SGCD: variants seen among roughly 807,000 people sequenced by gnomAD.
SGCD encodes sarcoglycan delta.
SGCD carries 18 observed loss-of-function variants against 36.6 expected under a neutral mutation model. The ratio of observed to expected loss-of-function variants is 0.49; its 90% CI spans 0.34 to 0.73. SGCD has a LOEUF of 0.73. SGCD is among the 30% of genes least tolerant of loss of function. SGCD has a pLI of 0.01. For synonymous variants in SGCD, 133 were observed against 130.6 expected (o/e 1.02, Z -0.12); for missense variants, 387 against 346.7 (o/e 1.12, Z -0.92).
chr5:156,712,834 T>TATCA (rs1197772607), intron 7 of SGCD, among the ~76,000 whole-genome samples: 1 of 152,210 alleles, frequency 6.6e-6, no homozygotes, highest in Admixed American at 6.5e-5. Context: ...ACCCACTGTC[T>TATCA]ATCAATCAAT....
intron 3 of SGCD, among the ~76,000 whole-genome samples, chr5:156,380,600 G>C (rs746496257): frequency 2.4e-4 from 36 of 152,308 alleles, no homozygotes; most frequent in Non-Finnish European, 3.8e-4. Context: ...CAGATATTTA[G>C]AACGTGGCTT....
intron 7 of SGCD, among the ~76,000 whole-genome samples, chr5:156,692,728 T>C (rs914164567): frequency 5.9e-5 from 9 of 152,200 alleles, no homozygotes; most frequent in Admixed American, 1.3e-4. Context: ...GCTAAGTGTT[T>C]TTTAGTGTGT....
chr5:156,743,706 TGAGACTATCCAATAC>T (rs1396707711), intron 7 of SGCD, among the ~76,000 whole-genome samples: 1 of 152,206 alleles, frequency 6.6e-6, no homozygotes, highest in Admixed American at 6.5e-5. Context: ...AGTCTTCAAA[TGAGACTATCCAATAC>T]ATTTCTTAAG....
chr5:156,358,403 T>C (rs1405360735), intron 3 of SGCD, among the ~76,000 whole-genome samples: 1 of 152,248 alleles, frequency 6.6e-6, no homozygotes, highest in East Asian at 1.9e-4. Context: ...ACTTATTTCC[T>C]AGTCTCAGTT....
At chr5:156,433,600 G>A (rs899632468) in intron 3 of SGCD, among the ~76,000 whole-genome samples, 1 of 152,292 alleles carries the variant, frequency 6.6e-6, no homozygotes, top group African/African-American at 2.4e-5. Flanking sequence ...TGGCAATCAT[G>A]TAGGATGGCA....
At chr5:155,729,414 T>C in the SGCD span, among the ~76,000 whole-genome samples, 1 of 152,028 alleles carries the variant, frequency 6.6e-6, no homozygotes, top group Non-Finnish European at 1.5e-5. Context: ...ATTAAAGAAG[T>C]GTGTGTGTGA....
chr5:156,508,024 A>G (rs1425649198), intron 3 of SGCD, among the ~76,000 whole-genome samples: 4 of 152,212 alleles, frequency 2.6e-5, no homozygotes, highest in East Asian at 1.9e-4. Context: ...AATAATAGCC[A>G]TAAATTGATA....
chr5:156,698,947 C>G (rs921082276), intron 7 of SGCD, among the ~76,000 whole-genome samples: 1 of 148,956 alleles, frequency 6.7e-6, no homozygotes. Context: ...ATTAAACAAA[C>G]CAAAGAGTTC....
In SGCD at chr5:156,422,166, G is replaced by A. The variant is rs1463708422; in HGVS notation, c.192+77489G>A. On this transcript the variant is annotated intron_variant, in intron 3 of 8. Coordinates refer to ENST00000337851, the MANE Select transcript of SGCD (RefSeq NM_000337.6). ...TGAGGGCTTAGCACTGTTCACTTGG[G>A]GGAACTGTTTGCTGTGAGCAGGAGC... Among the ~76,000 whole-genome samples the A allele has an allele frequency of 2.0e-5, 3 of 152,028 alleles. No individual in the cohort carries two copies. In the East Asian group the frequency reaches 5.8e-4, roughly 29 times the overall value.
intron 3 of SGCD, among the ~76,000 whole-genome samples, chr5:156,466,952 T>C (rs1754746473): frequency 6.6e-6 from 1 of 152,172 alleles, no homozygotes; most frequent in Non-Finnish European, 1.5e-5. Context: ...CTGTAGTGTA[T>C]GCCGATCACT....
chr5:156,008,310 A>G (rs759675666), intron 1 of SGCD, among the ~76,000 whole-genome samples: 4 of 152,106 alleles, frequency 2.6e-5, no homozygotes, highest in Non-Finnish European at 4.4e-5. Context: ...CTTGACTTAC[A>G]GCTGATATGC....
chr5:156,364,979 G>A (rs1247307580), intron 3 of SGCD, among the ~76,000 whole-genome samples: 1 of 152,156 alleles, frequency 6.6e-6, no homozygotes, highest in Non-Finnish European at 1.5e-5. Flanking sequence ...AGTTGCAAGG[G>A]CATACTCAGA....
chr5:156,331,544 A>T (rs561972327), intron 2 of SGCD, among the ~76,000 whole-genome samples: 52 of 152,324 alleles, frequency 3.4e-4, no homozygotes, highest in African/African-American at 1.3e-3. Flanking sequence ...ATTCCCTGAT[A>T]AAAACTATAT....
intron 3 of SGCD, among the ~76,000 whole-genome samples, chr5:156,136,921 T>C (rs953372280): frequency 6.6e-6 from 1 of 152,200 alleles, no homozygotes; most frequent in Non-Finnish European, 1.5e-5. Flanking sequence ...AATTTTGTAT[T>C]ACATAAAACA....
At chr5:155,902,705 A>G (rs1432464789) in intron 1 of SGCD, among the ~76,000 whole-genome samples, 1 of 152,164 alleles carries the variant, frequency 6.6e-6, no homozygotes, top group Non-Finnish European at 1.5e-5. Flanking sequence ...TCAAGATTAA[A>G]TTTGGTAATT....
At chr5:156,230,420 G>A (rs979832748) in intron 3 of SGCD, among the ~76,000 whole-genome samples, 6 of 152,166 alleles carry the variant, frequency 3.9e-5, no homozygotes, top group African/African-American at 1.4e-4. Context: ...GTGGCTTCCT[G>A]CGAGCTGAGC....
intron 3 of SGCD, among the ~76,000 whole-genome samples, chr5:156,398,080 A>T (rs1442501819): frequency 6.6e-6 from 1 of 152,202 alleles, no homozygotes; most frequent in African/African-American, 2.4e-5. Flanking sequence ...GCGCTGCCTG[A>T]AGTTCCCTCA....
intron 3 of SGCD, among the ~76,000 whole-genome samples, chr5:156,268,691 C>T (rs1239024619): frequency 6.6e-6 from 1 of 152,136 alleles, no homozygotes; most frequent in Non-Finnish European, 1.5e-5. Context: ...CTCCTTGGTT[C>T]AAGCAATTCT....
intron 3 of SGCD, among the ~76,000 whole-genome samples, chr5:156,384,530 C>A (rs1771171115): frequency 6.6e-6 from 1 of 152,128 alleles, no homozygotes; most frequent in Admixed American, 6.5e-5. Flanking sequence ...CTGTGCTGGA[C>A]AGTGACGATA....
Sources: allele counts gnomAD v4.1 joint callset (sites outside exome capture counted in the v4.1 genomes callset), GRCh38; gene constraint gnomAD v4.1.1; transcripts MANE v1.5; gene names NCBI Gene and HGNC (gene_info 2026-07-23, HGNC 2026-07-21).